Variants in CFHR4 observed in about 807,000 individuals in gnomAD.
The protein encoded by CFHR4 is complement factor H related 4, also known as complement factor H-related protein 4.
Under a neutral mutation model 69.3 loss-of-function variants are expected in CFHR4, and 64 were observed. That is an observed-to-expected ratio of 0.92 (90% CI 0.76 to 1.14). The LOEUF (loss-of-function observed/expected upper bound fraction) is 1.14, where lower values mean the gene tolerates loss of function less well. Ranked by LOEUF, CFHR4 falls within the 50% of genes most tolerant of loss-of-function variation. The pLI, the probability that CFHR4 is intolerant of heterozygous loss-of-function variation, is 0.00. For missense variants in CFHR4, 636 were observed against 684.9 expected (o/e 0.93, Z 0.80); for synonymous variants, 244 against 237.0 (o/e 1.03, Z -0.27).
Position 196,910,314 on chromosome 1 carries a change from A to G in CFHR4, c.833A>G (p.His278Arg), listed in dbSNP as rs762884559. ...CCTTGTGAGTTTCCAGAAATTCAACATGGACATCTATATTATGAGAATACG... is the reference window on the plus strand; with the variant it reads ...CCTTGTGAGTTTCCAGAAATTCAACGTGGACATCTATATTATGAGAATACG... ...MKPCEFPEIQ[H>R]GHLYYENTRR... Residue 278 changes from histidine (H) to arginine (R), a missense_variant, in exon 6 of 10, where the codon CAT becomes CGT. His to Arg is a conservative substitution (Grantham distance 29). Coordinates refer to ENST00000608469, the MANE Select transcript of CFHR4 (RefSeq NM_001201550.3). 7.5e-6 allele frequency: 12 copies of G among 1,603,024 alleles called. No homozygotes were observed. In the African/African-American group the frequency reaches 1.5e-4, roughly 20 times the overall value.
intron 1 of CFHR4, among the ~76,000 whole-genome samples, chr1:196,902,108 G>C (rs1657648042): frequency 1.3e-5 from 2 of 151,618 alleles, no homozygotes; most frequent in South Asian, 2.1e-4. Flanking sequence ...GAAAGAAAAA[G>C]AAGACAGATG....
At chr1:196,916,713 T>C (rs1658657011) in intron 9 of CFHR4, among the ~76,000 whole-genome samples, 1 of 151,458 alleles carries the variant, frequency 6.6e-6, no homozygotes, top group Non-Finnish European at 1.5e-5. Flanking sequence ...TCAAATTTGA[T>C]TGAATGGGGA....
In CFHR4 at chr1:196,898,575, A is replaced by G. The variant is rs148625244; in HGVS notation, c.59-3843A>G. ...CTATTCTTCCAATGTCCAAAATAAT[A>G]CACTGGGTGAGACTAGCACCCTCTA... is the stretch of plus-strand genomic sequence containing the variant. On this transcript the variant is annotated intron_variant, in intron 1 of 9. Coordinates refer to ENST00000608469, the MANE Select transcript of CFHR4 (RefSeq NM_001201550.3). Among the ~76,000 whole-genome samples the G allele has an allele frequency of 6.8e-3, 1,037 of 151,734 alleles. 43 individuals carry two copies. The highest frequency in any genetic ancestry group is 0.024 in the African/African-American group (994 of 41,198).
rs1256266857 is a variant in CFHR4 at position 196,915,642 on chromosome 1, AAAAAAAT to A, written c.1540+522_1540+528del. Among the ~76,000 whole-genome samples the A allele has an allele frequency of 3.7e-4, 56 of 151,262 alleles. No homozygotes were observed. In the East Asian group the frequency reaches 8.3e-3, roughly 22 times the overall value. On this transcript the variant is annotated intron_variant, in intron 9 of 9. Transcript: ENST00000608469. ...AGAGGGAGACTCCGTCTCCAAAAAT[AAAAAAAT>A]AAAAAATAAAAAATAAATAAATAAA...
intron 3 of CFHR4, among the ~76,000 whole-genome samples, chr1:196,905,510 G>T (rs1657861776): frequency 1.3e-5 from 2 of 151,406 alleles, no homozygotes; most frequent in African/African-American, 2.4e-5. Context: ...AATTCAATTT[G>T]CCTTTACGTA....
At chr1:196,917,127 T>C (rs1325999479) in intron 9 of CFHR4, among the ~76,000 whole-genome samples, 3 of 151,778 alleles carry the variant, frequency 2.0e-5, no homozygotes, top group Non-Finnish European at 2.9e-5. Context: ...AAGAAATTTA[T>C]TTAAGTAAGT....
chr1:196,894,479 G>A, intron 1 of CFHR4, among the ~76,000 whole-genome samples: 1 of 151,426 alleles, frequency 6.6e-6, no homozygotes. Context: ...GACATTTCTT[G>A]AAAGGCAAGT....
At chr1:196,908,937 T>C (rs1658077694) in intron 5 of CFHR4, among the ~76,000 whole-genome samples, 1 of 151,490 alleles carries the variant, frequency 6.6e-6, no homozygotes, top group Non-Finnish European at 1.5e-5. Context: ...GATCCTATGA[T>C]GGGCTAAACC....
chr1:196,915,701 A>G (rs1658578060), intron 9 of CFHR4, among the ~76,000 whole-genome samples: 1 of 151,522 alleles, frequency 6.6e-6, no homozygotes, highest in Non-Finnish European at 1.5e-5. Context: ...AGAAAAAGAG[A>G]AAAAGAAAAA....
At chr1:196,899,983 C>G (rs1056576672) in intron 1 of CFHR4, among the ~76,000 whole-genome samples, 23 of 151,502 alleles carry the variant, frequency 1.5e-4, no homozygotes, top group Admixed American at 2.6e-4. Flanking sequence ...AATGCTACAG[C>G]AGATGGTGAC....
rs186213839 is a variant in CFHR4 at position 196,911,691 on chromosome 1, A to G, written c.998-1049A>G. 3.3e-3 allele frequency among the ~76,000 whole-genome samples: 499 copies of G among 151,670 alleles called. 17 individuals are homozygous for G. The highest frequency in any genetic ancestry group is 0.011 in the African/African-American group (466 of 41,212). On this transcript the variant is annotated intron_variant, in intron 6 of 9. Transcript: ENST00000608469. ...ATGGGAATCTTCTTACCCCTTTGTAAGAGCAACTGTCCTCAACAATAGGCC... is the reference window on the plus strand; with the variant it reads ...ATGGGAATCTTCTTACCCCTTTGTAGGAGCAACTGTCCTCAACAATAGGCC...
At chr1:196,888,526 C>G (rs1656849728) in intron 1 of CFHR4, among the ~76,000 whole-genome samples, 1 of 151,042 alleles carries the variant, frequency 6.6e-6, no homozygotes, top group Admixed American at 6.6e-5. Context: ...AGATTCTAAC[C>G]TTAAAATGTT....
chr1:196,896,582 T>C (rs1018337983), intron 1 of CFHR4, among the ~76,000 whole-genome samples: 1 of 151,658 alleles, frequency 6.6e-6, no homozygotes, highest in African/African-American at 2.4e-5. Context: ...CGCTGCTATG[T>C]GCAGGTTGCT....
Position 196,888,097 on chromosome 1 carries a change from C to G in CFHR4, c.-54C>G. 1.3e-6 allele frequency: 2 copies of G among 1,567,786 alleles called. No homozygotes were observed. Among genetic ancestry groups the G allele is most frequent in the Non-Finnish European group, 1.8e-6 (2 of 1,142,006 alleles). ...TAACTAATAATGAAAGATTTCAAACCCCAAACAGTGCAACTGAAACTTTTG... is the reference window on the plus strand; with the variant it reads ...TAACTAATAATGAAAGATTTCAAACGCCAAACAGTGCAACTGAAACTTTTG... On this transcript the variant is annotated 5_prime_UTR_variant, in exon 1 of 10. Transcript: ENST00000608469.
At position 196,909,495 on chromosome 1, in the gene CFHR4, A is replaced by G. The variant is rs548291654; in HGVS notation, c.800-786A>G. Among the ~76,000 whole-genome samples, 22 of 151,674 alleles carry G rather than the reference A, an allele frequency of 1.5e-4. 1 individual carries two copies. The highest frequency in any genetic ancestry group is 2.4e-4 in the Non-Finnish European group (16 of 67,952). On this transcript the variant is annotated intron_variant, in intron 5 of 9. Coordinates refer to ENST00000608469, the MANE Select transcript of CFHR4 (RefSeq NM_001201550.3). Reference sequence around the variant, plus strand: ...TTTTTGAATTGTAAACAGCCCCTGAATGTATTGAAGAGATCTTAAAAATTT... The same window carrying G: ...TTTTTGAATTGTAAACAGCCCCTGAGTGTATTGAAGAGATCTTAAAAATTT...
chr1:196,889,300 GA>G (rs960474990), intron 1 of CFHR4, among the ~76,000 whole-genome samples: 6 of 150,562 alleles, frequency 4.0e-5, no homozygotes, highest in South Asian at 2.1e-4. Context: ...GTGCCAAAAT[GA>G]AAAAAAAGGA....
chr1:196,917,909 T>C (rs1213342289), intron 9 of CFHR4, among the ~76,000 whole-genome samples: 1 of 151,618 alleles, frequency 6.6e-6, no homozygotes, highest in South Asian at 2.1e-4. Flanking sequence ...CTTTTTGATA[T>C]GAAGTCACTA....
chr1:196,901,291 A>G (rs551322910), intron 1 of CFHR4, among the ~76,000 whole-genome samples: 1 of 151,472 alleles, frequency 6.6e-6, no homozygotes, highest in African/African-American at 2.4e-5. Flanking sequence ...GAAGAGAAAT[A>G]TGGACTGTAG....
At position 196,900,773 on chromosome 1, in the gene CFHR4, G is replaced by A. The variant is rs116527113; in HGVS notation, c.59-1645G>A. 6.8e-3 allele frequency among the ~76,000 whole-genome samples: 1,032 copies of A among 151,156 alleles called. 42 individuals carry two copies. The highest frequency in any genetic ancestry group is 0.024 in the African/African-American group (987 of 40,976). On this transcript the variant is annotated intron_variant, in intron 1 of 9. Transcript: ENST00000608469. ...ACAAATATCCAAACAGTGGTCGGGG[G>A]GAAACAACAGAATGTAACATAGAAG... is the stretch of plus-strand genomic sequence containing the variant.
Sources: gnomAD v4.1 joint callset for allele counts (sites outside exome capture counted in the v4.1 genomes callset) on GRCh38, gnomAD v4.1.1 for gene constraint, MANE v1.5 for transcripts, NCBI Gene and HGNC (gene_info 2026-07-23, HGNC 2026-07-21) for gene names.